The following SPOCK1 variants were observed in gnomAD, a reference collection of about 807,000 sequenced individuals.
SPOCK1 encodes the protein SPARC (osteonectin), cwcv and kazal like domains proteoglycan 1.
Under a neutral mutation model 55.3 loss-of-function variants are expected in SPOCK1, and 23 were observed. That is an observed-to-expected ratio of 0.42 (90% CI 0.30 to 0.59). SPOCK1 has a LOEUF of 0.59. Among genes scored for constraint, SPOCK1 ranks in the 20% least tolerant of loss-of-function variants. SPOCK1 has a pLI of 0.22. For synonymous variants in SPOCK1, 226 were observed against 221.0 expected, an observed-to-expected ratio of 1.02 and a Z score of -0.20; for missense variants, 499 against 552.5, an observed-to-expected ratio of 0.90 and a Z score of 0.97.
intron 2 of SPOCK1, among the ~76,000 whole-genome samples, chr5:137,469,658 C>T (rs1215718432): frequency 6.6e-6 from 1 of 152,152 alleles, no homozygotes; most frequent in African/African-American, 2.4e-5. Flanking sequence ...ATCATTTATT[C>T]TCATTGGATT....
rs1000359149 is a variant in SPOCK1, at chr5:136,988,551, A to C, written c.799T>G (p.Ser267Ala). 1.9e-6 allele frequency: 3 copies of C among 1,614,146 alleles called. No individual in the cohort carries two copies. The highest frequency in any genetic ancestry group is 2.5e-6 in the Non-Finnish European group (3 of 1,180,016). The change falls in exon 8 of 11, where the codon TCA becomes GCA. Residue 267 changes from serine (S) to alanine (A), a missense_variant. This residue lies in a region of SPOCK1 where 386 missense variants were observed against 400.6 expected (regional missense o/e 0.96). Coordinates refer to ENST00000394945, the MANE Select transcript of SPOCK1 (RefSeq NM_004598.4). Reference protein sequence around the residue: ...DMNYDLLLDPSEINAIYLDKY... With the variant: ...DMNYDLLLDPAEINAIYLDKY... ...TCCAGGTAGATGGCATTGATCTCTG[A>C]AGGGTCAAGCAGGAGGTCATAGTTC...
rs1177159874 is a variant in SPOCK1, at chr5:137,314,482, C to A, written c.187-47427G>T. Among the ~76,000 whole-genome samples the A allele has an allele frequency of 4.6e-5, 7 of 152,168 alleles. No homozygotes were observed. In the South Asian group the frequency reaches 8.3e-4, roughly 18 times the overall value. ...CAACCCCAGTTCTTCCAATGACAAG[C>A]TTTCTGAGTCTCATTTTCCTCACCT... On this transcript the variant is annotated intron_variant, in intron 2 of 10. Coordinates refer to ENST00000394945, the MANE Select transcript of SPOCK1 (RefSeq NM_004598.4).
intron 6 of SPOCK1, among the ~76,000 whole-genome samples, chr5:137,018,383 C>T (rs961156102): frequency 6.6e-6 from 1 of 152,220 alleles, no homozygotes; most frequent in African/African-American, 2.4e-5. Flanking sequence ...TTAATTCCTA[C>T]TATAATACGT....
intron 3 of SPOCK1, among the ~76,000 whole-genome samples, chr5:137,207,774 C>T (rs139012422): frequency 8.5e-5 from 13 of 152,258 alleles, no homozygotes; most frequent in South Asian, 2.1e-4. Context: ...GTCTCAGCCC[C>T]GAGCCTGCTC....
intron 3 of SPOCK1, among the ~76,000 whole-genome samples, chr5:137,262,801 A>G (rs1756773327): frequency 6.6e-6 from 1 of 152,212 alleles, no homozygotes; most frequent in Non-Finnish European, 1.5e-5. Context: ...GAACAAAAGG[A>G]GAAGGGAATA....
intron 2 of SPOCK1, among the ~76,000 whole-genome samples, chr5:137,284,620 G>T (rs190436271): frequency 1.3e-5 from 2 of 152,310 alleles, no homozygotes; most frequent in Admixed American, 6.5e-5. Context: ...GGGCCCTCGG[G>T]TGGCAGAGTG....
chr5:137,183,797 T>A (rs566898939), intron 3 of SPOCK1, among the ~76,000 whole-genome samples: 2 of 152,206 alleles, frequency 1.3e-5, no homozygotes, highest in South Asian at 4.1e-4. Flanking sequence ...GAACTCCTCA[T>A]CAGCAGGCAG....
chr5:137,032,231 CACAA>C (rs889405303), intron 6 of SPOCK1, among the ~76,000 whole-genome samples: 6 of 151,916 alleles, frequency 3.9e-5, no homozygotes, highest in African/African-American at 1.5e-4. Flanking sequence ...AGATCCTCCC[CACAA>C]ACAAACAGAT....
intron 8 of SPOCK1, among the ~76,000 whole-genome samples, chr5:136,986,613 T>C (rs969053080): frequency 5.3e-5 from 8 of 152,056 alleles, no homozygotes; most frequent in Non-Finnish European, 1.0e-4. Context: ...CCAACCAGAA[T>C]AACTTAGAAA....
intron 2 of SPOCK1, among the ~76,000 whole-genome samples, chr5:137,278,311 C>G (rs1757107443): frequency 6.6e-6 from 1 of 152,232 alleles, no homozygotes; most frequent in Non-Finnish European, 1.5e-5. Context: ...ACTTTGTCCA[C>G]TCCAAGCCTG....
intron 2 of SPOCK1, among the ~76,000 whole-genome samples, chr5:137,484,508 C>T (rs544082260): frequency 6.6e-6 from 1 of 152,186 alleles, no homozygotes; most frequent in Non-Finnish European, 1.5e-5. Flanking sequence ...CATAACCTGG[C>T]ATGCCATGTT....
At chr5:137,391,597 C>G (rs1352594039) in intron 2 of SPOCK1, among the ~76,000 whole-genome samples, 1 of 152,074 alleles carries the variant, frequency 6.6e-6, no homozygotes, top group Non-Finnish European at 1.5e-5. Flanking sequence ...TGGGGCTTAT[C>G]CTTTTCTCCC....
intron 2 of SPOCK1, among the ~76,000 whole-genome samples, chr5:137,275,964 C>G (rs925978897): frequency 6.6e-6 from 1 of 152,216 alleles, no homozygotes; most frequent in Non-Finnish European, 1.5e-5. Context: ...CCCTAACCAG[C>G]CTCCCTGCCT....
chr5:137,494,856 G>C (rs1277404832), intron 2 of SPOCK1, among the ~76,000 whole-genome samples: 3 of 152,216 alleles, frequency 2.0e-5, no homozygotes, highest in African/African-American at 7.2e-5. Flanking sequence ...TAATGGTTAT[G>C]GAAAGCCAAA....
chr5:137,331,171 C>T (rs1758171994), intron 2 of SPOCK1, among the ~76,000 whole-genome samples: 1 of 152,142 alleles, frequency 6.6e-6, no homozygotes, highest in African/African-American at 2.4e-5. Flanking sequence ...ACTGTTTGTT[C>T]CTCTGGGTGA....
At chr5:137,130,260 C>T (rs1032192733) in intron 4 of SPOCK1, among the ~76,000 whole-genome samples, 3 of 152,200 alleles carry the variant, frequency 2.0e-5, no homozygotes, top group Admixed American at 2.0e-4. Flanking sequence ...TTATTAGATA[C>T]TTATTTTTTT....
intron 2 of SPOCK1, among the ~76,000 whole-genome samples, chr5:137,448,527 A>C (rs1236158140): frequency 6.6e-6 from 1 of 152,190 alleles, no homozygotes; most frequent in Non-Finnish European, 1.5e-5. Flanking sequence ...CCTGGGCTAC[A>C]GCGGCCAGGA....
At chr5:137,435,857 T>C (rs1360360399) in intron 2 of SPOCK1, among the ~76,000 whole-genome samples, 2 of 152,082 alleles carry the variant, frequency 1.3e-5, no homozygotes, top group Non-Finnish European at 2.9e-5. Flanking sequence ...TTTTTACTTA[T>C]TAAAACACTA....
chr5:136,985,079 T>C, intron 9 of SPOCK1, 61 bp downstream of exon 9: 1 of 1,506,242 alleles, frequency 6.6e-7, no homozygotes, highest in Non-Finnish European at 9.2e-7. Context: ...ATGCTGATCA[T>C]TACAAGGGAC....
Sources: allele counts gnomAD v4.1 joint callset (sites outside exome capture counted in the v4.1 genomes callset), GRCh38; gene constraint gnomAD v4.1.1; regional missense constraint gnomAD v4.1.1; transcripts MANE v1.5; gene names NCBI Gene and HGNC (gene_info 2026-07-23, HGNC 2026-07-21).